The following LRP6 variants were observed in gnomAD, a reference collection of about 807,000 sequenced individuals.
LRP6 encodes LDL receptor related protein 6.
Under a neutral mutation model 184.1 loss-of-function variants are expected in LRP6, and 43 were observed. The ratio of observed to expected loss-of-function variants is 0.23; its 90% CI spans 0.18 to 0.30. The LOEUF is 0.30. Ranked by LOEUF, LRP6 falls within the 10% of genes least tolerant of loss-of-function variation. The pLI is 1.00. For missense variants in LRP6, 1,571 were observed against 2,005.3 expected (o/e 0.78, Z 4.14); for synonymous variants, 719 against 684.9 (o/e 1.05, Z -0.78).
At position 12,131,905 on chromosome 12, in the gene LRP6, C is replaced by A. The variant is rs1468868477; in HGVS notation, c.3886G>T (p.Ala1296Ser). ...GCACCATCAATACACTGCCCACTGG[C>A]ACACTGGAACTGGGACTCTGAGCAT... is the stretch of plus-strand genomic sequence containing the variant. The part of the protein sequence containing the change: ...PVCSESQFQC[A>S]SGQCIDGALR... The change falls in exon 18 of 23, where the codon GCC becomes TCC. Residue 1296 changes from alanine to serine, a missense_variant. Coordinates refer to ENST00000261349, the MANE Select transcript of LRP6 (RefSeq NM_002336.3). 1 of 1,614,214 alleles carries A rather than the reference C, an allele frequency of 6.2e-7. No homozygotes were observed. Among genetic ancestry groups the A allele is most frequent in the Admixed American group, 1.7e-5 (1 of 60,028 alleles).
intron 9 of LRP6, among the ~76,000 whole-genome samples, chr12:12,163,653 C>A (rs927817662): frequency 6.6e-6 from 1 of 152,064 alleles, no homozygotes; most frequent in Non-Finnish European, 1.5e-5. Flanking sequence ...TAAAGTAAAT[C>A]AACAGCCATT....
Position 12,138,523 on chromosome 12 carries a change from T to C in LRP6, c.3409A>G (p.Ile1137Val), listed in dbSNP as rs1435361618. 1 of 1,613,652 alleles carries C rather than the reference T, an allele frequency of 6.2e-7. No individual in the cohort carries two copies. Among genetic ancestry groups the C allele is most frequent in the Admixed American group, 1.7e-5 (1 of 59,982 alleles). Residue 1137 changes from isoleucine to valine, a missense_variant, in exon 16 of 23, where the codon ATA becomes GTA. Ile to Val is a conservative substitution (Grantham distance 29, BLOSUM62 3). Around this residue, in one of 4 missense-constraint regions of LRP6, gnomAD observed 763 missense variants for 859.5 expected, o/e 0.89. Coordinates refer to ENST00000261349, the MANE Select transcript of LRP6 (RefSeq NM_002336.3). ...ESSDLSGANR[I>V]VLEDSNILQP... ...AAGATATTGGAGTCTTCTAATACTA[T>C]CCGGTTAGCACCTTGGAAAAGGAGA...
Position 12,266,674 on chromosome 12 carries a change from T to C in LRP6, c.55+7A>G. 6.3e-7 allele frequency: 1 copy of C among 1,599,100 alleles called. No homozygotes were observed. The highest frequency in any genetic ancestry group is 2.3e-5 in the East Asian group (1 of 43,908). On this transcript the variant is annotated splice_region_variant and intron_variant, in intron 1 of 22. Coordinates refer to ENST00000261349, the MANE Select transcript of LRP6 (RefSeq NM_002336.3). ...CACCAACTTTCCAGTGCCCCCACTCTTCCCACCTCTCAGGAGCACACAGAA... is the reference window on the plus strand; with the variant it reads ...CACCAACTTTCCAGTGCCCCCACTCCTCCCACCTCTCAGGAGCACACAGAA...
chr12:12,139,667 G>A (rs1413908249), intron 15 of LRP6, among the ~76,000 whole-genome samples: 2 of 152,056 alleles, frequency 1.3e-5, no homozygotes, highest in African/African-American at 4.8e-5. Context: ...AGGCTGTAGT[G>A]AGCCAAGTTC....
chr12:12,132,278 CA>C (rs555768406), intron 17 of LRP6, among the ~76,000 whole-genome samples: 26 of 152,248 alleles, frequency 1.7e-4, no homozygotes, highest in African/African-American at 6.0e-4. Flanking sequence ...AACTATAAGG[CA>C]AAAGTTTTTT....
At chr12:12,136,331 T>C (rs1591873463) in intron 16 of LRP6, among the ~76,000 whole-genome samples, 1 of 152,252 alleles carries the variant, frequency 6.6e-6, no homozygotes, top group African/African-American at 2.4e-5. Flanking sequence ...AAAAAGTGTA[T>C]CTTAATGAGG....
At chr12:12,212,004 G>T (rs548924496) in intron 2 of LRP6, among the ~76,000 whole-genome samples, 1 of 152,248 alleles carries the variant, frequency 6.6e-6, no homozygotes, top group African/African-American at 2.4e-5. Flanking sequence ...TGTCAGGAAT[G>T]CCCCCTTCAA....
chr12:12,173,194 C>T (rs76299027), intron 7 of LRP6, among the ~76,000 whole-genome samples: 6,254 of 152,224 alleles, frequency 0.041, 180 homozygotes, highest in Middle Eastern at 0.17. Context: ...ATGTCAACAT[C>T]CTGGTCAATT....
At chr12:12,255,809 G>A (rs1194219742) in intron 1 of LRP6, among the ~76,000 whole-genome samples, 2 of 151,946 alleles carry the variant, frequency 1.3e-5, no homozygotes, top group South Asian at 2.1e-4. Context: ...AAGCTCAAGC[G>A]ATCCTCTGCC....
intron 1 of LRP6, among the ~76,000 whole-genome samples, chr12:12,250,011 C>G (rs974219892): frequency 6.6e-6 from 1 of 152,168 alleles, no homozygotes; most frequent in Non-Finnish European, 1.5e-5. Flanking sequence ...ACAAGCATGT[C>G]TTTAAATCTG....
Position 12,162,276 on chromosome 12 carries a change from T to C in LRP6, c.2196A>G (p.Ser732=). ...CTTGTCGGTGCTGCCCATCCAACTT[T>C]GACACCTCAATTCGATTCGTTCCTG... ...ADTGTNRIEV[S]KLDGQHRQVL... is the part of the protein sequence containing the mutation. Residue 732 remains serine (S), a synonymous_variant, in exon 10 of 23, where the codon TCA becomes TCG. Transcript: ENST00000261349. 1 of 1,614,192 alleles carries C rather than the reference T, an allele frequency of 6.2e-7. No homozygotes were observed. Among genetic ancestry groups the C allele is most frequent in the Middle Eastern group, 1.6e-4 (1 of 6,062 alleles).
At chr12:12,164,994 A>G in intron 8 of LRP6, 85 bp downstream of exon 8, 1 of 1,134,280 alleles carries the variant, frequency 8.8e-7, no homozygotes, top group South Asian at 1.3e-5. Flanking sequence ...AATTGCCTCA[A>G]AACATCAATA....
At position 12,244,284 on chromosome 12, in the gene LRP6, T is replaced by C. The variant is rs763390509; in HGVS notation, c.427A>G (p.Ile143Val). The stretch of plus-strand genomic sequence containing the variant: ...TACCCACTTGAAGGATCTAAGGCAA[T>C]AGCTCTGGGTTGATCCAACTCTTGC... Reference protein sequence around the residue: ...FWQELDQPRAIALDPSSGFMY... With the variant: ...FWQELDQPRAVALDPSSGFMY... The change falls in exon 2 of 23, where the codon ATT (isoleucine) becomes GTT (valine). Residue 143 changes from isoleucine to valine, a missense_variant. This residue lies in a region of LRP6 where 640 missense variants were observed against 851.9 expected (regional missense o/e 0.75). Coordinates refer to ENST00000261349, the MANE Select transcript of LRP6 (RefSeq NM_002336.3). 23 of 1,614,148 alleles carry C rather than the reference T, an allele frequency of 1.4e-5. No individual in the cohort carries two copies. Among genetic ancestry groups the C allele is most frequent in the Non-Finnish European group, 1.5e-5 (18 of 1,180,024 alleles).
chr12:12,133,845 TGGGGGGGGG>T (rs139201743), intron 17 of LRP6, among the ~76,000 whole-genome samples: 7,803 of 40,058 alleles, frequency 0.19, 1,035 homozygotes, highest in Middle Eastern at 0.51. Flanking sequence ...TGCTATTTTT[TGGGGGGGGG>T]GGGGGGGGAG....
At chr12:12,124,729 T>C (rs992713036) in intron 21 of LRP6, 67 bp from the exon 22 acceptor site, 2 of 1,020,338 alleles carry the variant, frequency 2.0e-6, no homozygotes, top group African/African-American at 1.6e-5. Flanking sequence ...TCTTTCAACT[T>C]TTCTTCCTTC....
rs113116650 is a variant in LRP6 at position 12,211,779 on chromosome 12, T to A, written c.450-8379A>T. Among the ~76,000 whole-genome samples the A allele has an allele frequency of 4.0e-3, 608 of 152,298 alleles. 4 individuals are homozygous for A. Among genetic ancestry groups the A allele is most frequent in the African/African-American group, 0.014 (580 of 41,566 alleles). On this transcript the variant is annotated intron_variant, in intron 2 of 22. Transcript: ENST00000261349. ...GACATAATGCAAAGAATATATTTAA[T>A]TCAGAAATAACATTGGTAAACCACT...
Position 12,135,202 on chromosome 12 carries a change from G to A in LRP6, c.3706C>T (p.Leu1236=). ...CCACATGATAGCTCATCTTGAAGTA[G>A]AACCAGGTGCATGGGGCAAGAACAC... is the stretch of plus-strand genomic sequence containing the variant. ...TRCSCPMHLV[L]LQDELSCGEP... The change falls in exon 17 of 23, where the codon CTA becomes TTA. Residue 1236 remains leucine (L), a synonymous_variant. Coordinates refer to ENST00000261349, the MANE Select transcript of LRP6 (RefSeq NM_002336.3). 1.2e-6 allele frequency: 2 copies of A among 1,613,834 alleles called. No homozygotes were observed. The highest frequency in any genetic ancestry group is 1.7e-6 in the Non-Finnish European group (2 of 1,179,780).
intron 15 of LRP6, among the ~76,000 whole-genome samples, chr12:12,143,360 C>A (rs1949959437): frequency 6.6e-6 from 1 of 151,992 alleles, no homozygotes; most frequent in Non-Finnish European, 1.5e-5. Context: ...TTAATGCAAA[C>A]CCAATGAACA....
At chr12:12,123,428 T>C (rs1403959389) in intron 22 of LRP6, among the ~76,000 whole-genome samples, 1 of 152,212 alleles carries the variant, frequency 6.6e-6, no homozygotes, top group Non-Finnish European at 1.5e-5. Context: ...GAATTCTGAG[T>C]GAGATACTTT....
Sources: allele counts gnomAD v4.1 joint callset (sites outside exome capture counted in the v4.1 genomes callset), GRCh38; gene constraint gnomAD v4.1.1; regional missense constraint gnomAD v4.1.1; transcripts MANE v1.5; gene names NCBI Gene and HGNC (gene_info 2026-07-23, HGNC 2026-07-21).